Variants in SLC18A1 observed in about 807,000 individuals in gnomAD.
SLC18A1 encodes the protein chromaffin granule amine transporter.
Under a neutral mutation model 53.7 loss-of-function variants are expected in SLC18A1, and 69 were observed. That is an observed-to-expected ratio of 1.28 (90% CI 1.06 to 1.57). The LOEUF (loss-of-function observed/expected upper bound fraction) is 1.57, where lower values mean the gene tolerates loss of function less well. SLC18A1 is among the 40% of genes most tolerant of loss of function. The pLI is 0.00. For missense variants in SLC18A1, 932 were observed against 668.1 expected, an observed-to-expected ratio of 1.40 and a Z score of -4.35; for synonymous variants, 320 against 248.1, an observed-to-expected ratio of 1.29 and a Z score of -2.72.
intron 10 of SLC18A1, among the ~76,000 whole-genome samples, chr8:20,159,659 AAAAAG>A (rs1201879208): frequency 5.4e-5 from 8 of 148,104 alleles, no homozygotes; most frequent in East Asian, 3.9e-4. Flanking sequence ...AAAAAAAAAA[AAAAAG>A]AAAGAAAAAG....
In SLC18A1 at chr8:20,179,469, G is replaced by T; in HGVS notation, c.140C>A (p.Thr47Asn). 6.2e-7 allele frequency: 1 copy of T among 1,611,270 alleles called. No individual in the cohort carries two copies. The highest frequency in any genetic ancestry group is 8.5e-7 in the Non-Finnish European group (1 of 1,178,458). The change falls in exon 3 of 16, where the codon ACC becomes AAC. Residue 47 changes from threonine to asparagine, a missense_variant. By Grantham distance (65) the Thr-to-Asn change is moderately conservative. Transcript: ENST00000276373. ...LFTVVVPIVP[T>N]FLYDMEFKEV... is the part of the protein sequence containing the mutation. ...TTTGAACTCCATGTCATATAGGAAG[G>T]TGGGCACAATTGGCACTGAAAGTCA...
In SLC18A1 at chr8:20,178,504, A is replaced by T; in HGVS notation, c.489-11T>A. The stretch of plus-strand genomic sequence containing the variant: ...ATATGATATCCAATCCTAAAAGGGA[A>T]TTGAAAAAAAAAAAGATACAATTCC... On this transcript the variant is annotated splice_polypyrimidine_tract_variant and intron_variant, in intron 3 of 15. Transcript: ENST00000276373. 6.6e-7 allele frequency: 1 copy of T among 1,520,978 alleles called. No homozygotes were observed. The highest frequency in any genetic ancestry group is 9.0e-7 in the Non-Finnish European group (1 of 1,112,702). 94.2% of individuals were successfully genotyped at this position (1,520,978 alleles called of 1,614,324 possible). A position where few individuals can be genotyped will look rare whatever the true frequency, so the allele number is the denominator to read the frequency against.
At chr8:20,168,337 A>G (rs1475997703) in intron 8 of SLC18A1, among the ~76,000 whole-genome samples, 1 of 152,052 alleles carries the variant, frequency 6.6e-6, no homozygotes, top group Non-Finnish European at 1.5e-5. Flanking sequence ...TCTACACTCC[A>G]GCCTCAGTCA....
intron 1 of SLC18A1, among the ~76,000 whole-genome samples, chr8:20,181,520 G>C (rs2072428270): frequency 6.6e-6 from 1 of 152,152 alleles, no homozygotes; most frequent in Non-Finnish European, 1.5e-5. Context: ...GCTGAGGTGG[G>C]AGGATATCTT....
chr8:20,177,842 T>G (rs1004033977), intron 4 of SLC18A1, among the ~76,000 whole-genome samples: 2 of 152,300 alleles, frequency 1.3e-5, no homozygotes, highest in South Asian at 4.1e-4. Flanking sequence ...TCATGTACTG[T>G]GTTTATCCCA....
At chr8:20,153,484 T>C (rs1366174793) in intron 10 of SLC18A1, among the ~76,000 whole-genome samples, 2 of 152,112 alleles carry the variant, frequency 1.3e-5, no homozygotes, top group Non-Finnish European at 2.9e-5. Context: ...AAGACCATCC[T>C]AGCTAACACA....
chr8:20,157,315 C>A (rs1241662477), intron 10 of SLC18A1, among the ~76,000 whole-genome samples: 1 of 152,134 alleles, frequency 6.6e-6, no homozygotes, highest in Non-Finnish European at 1.5e-5. Context: ...ATAATTGCAG[C>A]CTGAGAGTTT....
chr8:20,162,053 C>A (rs76789864), intron 10 of SLC18A1, among the ~76,000 whole-genome samples: 1 of 152,166 alleles, frequency 6.6e-6, no homozygotes, highest in African/African-American at 2.4e-5. Flanking sequence ...CAAGGCTTAC[C>A]ACTTGCACCC....
At chr8:20,167,525 G>A (rs904819725) in intron 8 of SLC18A1, among the ~76,000 whole-genome samples, 2 of 152,036 alleles carry the variant, frequency 1.3e-5, no homozygotes, top group Non-Finnish European at 2.9e-5. Flanking sequence ...GTACAAACTT[G>A]TGTGTGTGTA....
chr8:20,150,824 T>C, intron 10 of SLC18A1, 80 bp from the exon 11 acceptor site: 1 of 1,266,576 alleles, frequency 7.9e-7, no homozygotes, highest in East Asian at 2.3e-5. Flanking sequence ...GACACTGAAG[T>C]CCACCCCTGT....
intron 1 of SLC18A1, 51 bp from the exon 2 acceptor site, chr8:20,181,138 A>G (rs532885218): frequency 1.7e-6 from 1 of 599,680 alleles, no homozygotes; most frequent in East Asian, 3.1e-5. Context: ...TGATATTTGG[A>G]AACATCTCCA....
chr8:20,161,223 C>T (rs745775844), intron 10 of SLC18A1, among the ~76,000 whole-genome samples: 11 of 152,112 alleles, frequency 7.2e-5, no homozygotes, highest in Non-Finnish European at 1.0e-4. Context: ...ATTCAAGGTA[C>T]GATTAATCCT....
In SLC18A1 at chr8:20,179,258, G is replaced by A. The variant is rs2072349006; in HGVS notation, c.351C>T (p.Ala117=). 1.9e-6 allele frequency: 3 copies of A among 1,614,188 alleles called. No individual in the cohort carries two copies. The highest frequency in any genetic ancestry group is 1.3e-5 in the African/African-American group (1 of 75,040). Residue 117 remains alanine, a synonymous_variant, in exon 3 of 16, where the codon GCC becomes GCT. Transcript: ENST00000276373. ...AGCAGTTGTTTTTATGAGCTGAGAT[G>A]GCTTCAGTGGCTGGAGGTGGGATGG... ...ASTIPPPATE[A]ISAHKNNCLQ...
In SLC18A1 at chr8:20,147,714, C is replaced by A. The variant is rs773691346; in HGVS notation, c.1219G>T (p.Asp407Tyr). 5 of 1,613,278 alleles carry A rather than the reference C, an allele frequency of 3.1e-6. No individual in the cohort carries two copies. Among genetic ancestry groups the A allele is most frequent in the East Asian group, 4.5e-5 (2 of 44,838 alleles). ...CCCATGATGGGCATCATAGAAGAAT[C>A]CACCATGCCTGTGGCCAGAGCAAAC... is the stretch of plus-strand genomic sequence containing the variant. ...AGLGLAIGMV[D>Y]SSMMPIMGHL... The change falls in exon 14 of 16, where the codon GAT (aspartate) becomes TAT (tyrosine). Residue 407 changes from aspartate to tyrosine, a missense_variant. Transcript: ENST00000276373.
intron 10 of SLC18A1, among the ~76,000 whole-genome samples, chr8:20,162,884 C>A (rs1043745727): frequency 2.6e-5 from 4 of 152,222 alleles, no homozygotes; most frequent in Non-Finnish European, 4.4e-5. Context: ...GCCTGCTCCT[C>A]CAAATTATTG....
At chr8:20,167,703 C>A (rs1238436834) in intron 8 of SLC18A1, among the ~76,000 whole-genome samples, 1 of 152,108 alleles carries the variant, frequency 6.6e-6, no homozygotes, top group Admixed American at 6.5e-5. Context: ...TCACTGCAAG[C>A]TCCTCCTCCT....
chr8:20,177,328 G>A (rs1441659030), intron 4 of SLC18A1, among the ~76,000 whole-genome samples: 1 of 152,186 alleles, frequency 6.6e-6, no homozygotes, highest in Non-Finnish European at 1.5e-5. Context: ...ATCAAGTTCT[G>A]TGCTGGGAAA....
At chr8:20,171,223 C>A in intron 7 of SLC18A1, 77 bp from the exon 8 acceptor site, 1 of 1,486,768 alleles carries the variant, frequency 6.7e-7, no homozygotes, top group East Asian at 2.3e-5. Context: ...TGTAGTGCTA[C>A]CACCCTATTA....
At chr8:20,156,791 C>T (rs1028587521) in intron 10 of SLC18A1, among the ~76,000 whole-genome samples, 1 of 152,182 alleles carries the variant, frequency 6.6e-6, no homozygotes, top group African/African-American at 2.4e-5. Context: ...GACAAATGCC[C>T]TAGTGGGCAA....
Sources: allele counts gnomAD v4.1 joint callset (sites outside exome capture counted in the v4.1 genomes callset), GRCh38; gene constraint gnomAD v4.1.1; transcripts MANE v1.5; gene names NCBI Gene and HGNC (gene_info 2026-07-23, HGNC 2026-07-21).